The following TANGO6 variants were observed in gnomAD, a reference collection of about 807,000 sequenced individuals.
TANGO6 encodes transport and golgi organization 6 homolog.
In TANGO6, 90 loss-of-function variants were observed where a neutral mutation model predicts 114.2. The ratio of observed to expected loss-of-function variants is 0.79; its 90% CI spans 0.66 to 0.94. The LOEUF is 0.94. Among genes scored for constraint, TANGO6 ranks in the 40% least tolerant of loss-of-function variants. TANGO6 has a pLI of 0.00. For missense variants in TANGO6, 1,274 were observed against 1,315.3 expected (o/e 0.97, Z 0.49); for synonymous variants, 477 against 509.8 (o/e 0.94, Z 0.87).
chr16:68,860,325 T>C lies in TANGO6; in HGVS notation c.536T>C (p.Val179Ala), dbSNP rs1962072779. The part of the protein sequence containing the change: ...LRYRTEFGAV[V>A]QDVVCFDAAP... ...TATAGAACTGAATTTGGTGCCGTCG[T>C]TCAAGACGTGGTGTGTTTTGATGCT... Residue 179 changes from valine (V) to alanine (A), a missense_variant, in exon 2 of 18, where the codon GTT becomes GCT. Coordinates refer to ENST00000261778, the MANE Select transcript of TANGO6 (RefSeq NM_024562.2). 3.7e-6 allele frequency: 6 copies of C among 1,613,846 alleles called. No individual in the cohort carries two copies. The South Asian group carries it at 6.6e-5, about 18-fold the overall frequency.
chr16:68,953,363 G>A (rs1033363864), intron 14 of TANGO6, among the ~76,000 whole-genome samples: 3 of 151,964 alleles, frequency 2.0e-5, no homozygotes, highest in South Asian at 2.1e-4. Flanking sequence ...GATTATAGGC[G>A]TGAGCCACTG....
At chr16:68,895,816 T>TATTTTTAAAA (rs1442385474) in intron 7 of TANGO6, among the ~76,000 whole-genome samples, 1 of 152,204 alleles carries the variant, frequency 6.6e-6, no homozygotes, top group Non-Finnish European at 1.5e-5. Flanking sequence ...AAAGAAACTG[T>TATTTTTAAAA]ATTTTTAAAA....
intron 16 of TANGO6, chr16:69,026,510 T>C (rs572095865): frequency 4.0e-5 from 7 of 174,612 alleles, no homozygotes; most frequent in Admixed American, 1.7e-4. Context: ...TGTGTCATCA[T>C]AGGCACTGTA....
intron 15 of TANGO6, among the ~76,000 whole-genome samples, chr16:69,022,121 C>A (rs186393672): frequency 1.3e-5 from 2 of 151,812 alleles, no homozygotes; most frequent in African/African-American, 2.4e-5. Context: ...CTCCTGACCT[C>A]GTGATCCGCC....
intron 14 of TANGO6, among the ~76,000 whole-genome samples, chr16:68,950,483 T>A (rs1027783134): frequency 2.0e-5 from 3 of 151,906 alleles, no homozygotes; most frequent in Non-Finnish European, 4.4e-5. Flanking sequence ...GAGAATCGCT[T>A]GAACCTGGGA....
chr16:68,887,765 C>T (rs1473119326), intron 7 of TANGO6, among the ~76,000 whole-genome samples: 2 of 151,750 alleles, frequency 1.3e-5, no homozygotes, highest in Admixed American at 6.6e-5. Flanking sequence ...TGTAATCCTA[C>T]CTACTTGGGA....
At chr16:68,877,899 C>T (rs563493693) in intron 5 of TANGO6, among the ~76,000 whole-genome samples, 1 of 152,284 alleles carries the variant, frequency 6.6e-6, no homozygotes, top group South Asian at 2.1e-4. Context: ...TGAGCCACCA[C>T]ACCCGGCCAA....
intron 14 of TANGO6, among the ~76,000 whole-genome samples, chr16:68,969,238 C>T (rs1963679705): frequency 1.3e-5 from 2 of 152,142 alleles, no homozygotes; most frequent in African/African-American, 4.8e-5. Context: ...AGAAATTACC[C>T]CATTTTCAAG....
intron 15 of TANGO6, among the ~76,000 whole-genome samples, chr16:68,975,556 CT>C (rs371217183): frequency 2.7e-5 from 4 of 146,436 alleles, no homozygotes; most frequent in African/African-American, 2.5e-5. Context: ...TCTTTCTTTT[CT>C]TTTTTTTTTG....
chr16:68,875,235 C>G lies in TANGO6; in HGVS notation c.1076C>G (p.Ser359Cys). ...GACCTGATCGCAAAGATTTTGGCCT[C>G]TTGTCCCCAGCAGTCTCTTTCACCA... ...KCDLIAKILA[S>C]CPQQSLSPEN... The change falls in exon 5 of 18, where the codon TCT becomes TGT. Residue 359 changes from serine to cysteine, a missense_variant. By Grantham distance (112) the Ser-to-Cys change is moderately radical. This residue lies in a region of TANGO6 where 908 missense variants were observed against 910.2 expected (regional missense o/e 1.00). Coordinates refer to ENST00000261778, the MANE Select transcript of TANGO6 (RefSeq NM_024562.2). The G allele has an allele frequency of 6.2e-7, 1 of 1,613,782 alleles. No individual in the cohort carries two copies. Among genetic ancestry groups the G allele is most frequent in the Non-Finnish European group, 8.5e-7 (1 of 1,179,796 alleles).
At chr16:69,051,559 T>G (rs892190344) in intron 17 of TANGO6, among the ~76,000 whole-genome samples, 2 of 152,212 alleles carry the variant, frequency 1.3e-5, no homozygotes, top group Non-Finnish European at 1.5e-5. Flanking sequence ...ATTGGGTGCC[T>G]GTAATCCCAG....
intron 15 of TANGO6, among the ~76,000 whole-genome samples, chr16:69,018,850 C>T (rs1350071240): frequency 6.6e-6 from 1 of 152,096 alleles, no homozygotes; most frequent in Non-Finnish European, 1.5e-5. Flanking sequence ...GCGGAGCTTG[C>T]AGTGAGCCAA....
intron 16 of TANGO6, chr16:69,034,910 G>A (rs937658701): frequency 7.5e-6 from 1 of 132,576 alleles, no homozygotes; most frequent in African/African-American, 2.8e-5. Flanking sequence ...GTCAAAGGCT[G>A]TGTCGCTTAA....
At chr16:68,982,299 A>G (rs1292368170) in intron 15 of TANGO6, among the ~76,000 whole-genome samples, 1 of 152,094 alleles carries the variant, frequency 6.6e-6, no homozygotes, top group African/African-American at 2.4e-5. Context: ...TATACAACCT[A>G]TGTAGTCATC....
At chr16:69,081,927 G>A (rs1232733866) in intron 17 of TANGO6, among the ~76,000 whole-genome samples, 3 of 151,638 alleles carry the variant, frequency 2.0e-5, no homozygotes, top group African/African-American at 7.3e-5. Context: ...TCCGCCTCCT[G>A]GGTTCAAGTG....
chr16:68,927,268 C>T (rs1293384747), intron 12 of TANGO6, among the ~76,000 whole-genome samples: 2 of 152,166 alleles, frequency 1.3e-5, no homozygotes, highest in Admixed American at 6.5e-5. Context: ...TGTTACTTAA[C>T]CGTTCTGTTT....
At chr16:68,875,541 CG>C (rs1567529438) in intron 5 of TANGO6, among the ~76,000 whole-genome samples, 2 of 151,972 alleles carry the variant, frequency 1.3e-5, no homozygotes, top group African/African-American at 4.8e-5. Context: ...CCGAGGCAGG[CG>C]GATCACCTGA....
chr16:68,869,599 T>A (rs561772742), intron 4 of TANGO6, among the ~76,000 whole-genome samples: 28 of 152,340 alleles, frequency 1.8e-4, no homozygotes, highest in African/African-American at 6.5e-4. Context: ...TCAGCTGCCA[T>A]CCAAGGATCC....
At position 68,909,167 on chromosome 16, in the gene TANGO6, G is replaced by A. The variant is rs532500519; in HGVS notation, c.1801-44G>A. The A allele has an allele frequency of 1.3e-5, 18 of 1,388,064 alleles. No individual in the cohort carries two copies. In the East Asian group the frequency reaches 3.7e-4, roughly 29 times the overall value. The allele number at this position is 1,388,064 out of a possible 1,614,324, so 86.0% of individuals were successfully genotyped here. A position where few individuals can be genotyped will look rare whatever the true frequency, so the allele number is the denominator to read the frequency against. On this transcript the variant is annotated intron_variant, in intron 10 of 17. Transcript: ENST00000261778. ...GCTTATGTTTGAGAAGGCCTTAGTT[G>A]TACTGGCTTTATCTTCACTTTTTCT...
Sources: gnomAD v4.1 joint callset for allele counts (sites outside exome capture counted in the v4.1 genomes callset) on GRCh38, gnomAD v4.1.1 for gene constraint, gnomAD v4.1.1 regional missense constraint, MANE v1.5 for transcripts, NCBI Gene and HGNC (gene_info 2026-07-23, HGNC 2026-07-21) for gene names.